Variants in KANSL3 observed in about 807,000 individuals in gnomAD.
KANSL3 encodes the protein KAT8 regulatory NSL complex subunit 3, also known as NSL complex protein NSL3.
In KANSL3, 16 loss-of-function variants were observed where a neutral mutation model predicts 89.2. The observed-to-expected ratio is 0.18, with a 90% CI of 0.12 to 0.27. The LOEUF (loss-of-function observed/expected upper bound fraction) is 0.27, where lower values mean the gene tolerates loss of function less well. KANSL3 is among the 10% of genes least tolerant of loss of function. The probability of loss-of-function intolerance (pLI) is 1.00; values close to 1 mark genes in which losing one functional copy is unlikely to be tolerated. For synonymous variants in KANSL3, 385 were observed against 419.7 expected, an observed-to-expected ratio of 0.92 and a Z score of 1.01; for missense variants, 879 against 1,110.6, an observed-to-expected ratio of 0.79 and a Z score of 2.96.
intron 11 of KANSL3, 187 bp downstream of exon 11, chr2:96,610,539 T>A (rs1373934665): frequency 1.9e-6 from 1 of 522,720 alleles, no homozygotes; most frequent in African/African-American, 1.9e-5. Context: ...ATGGTCTCAA[T>A]CTCCTGACCT....
downstream of KANSL3, among the ~76,000 whole-genome samples, chr2:96,591,832 T>C (rs1394117549): frequency 6.7e-6 from 1 of 148,958 alleles, no homozygotes; most frequent in African/African-American, 2.6e-5. Flanking sequence ...TCCCGGCAAG[T>C]CCAAGCCACT....
At chr2:96,625,617 A>G (rs778572628) in intron 3 of KANSL3, among the ~76,000 whole-genome samples, 11 of 152,248 alleles carry the variant, frequency 7.2e-5, no homozygotes, top group Non-Finnish European at 1.5e-4. Context: ...AGAGGGTTAG[A>G]AAGCTATTTA....
chr2:96,596,926 C>T (rs983652120), intron 20 of KANSL3, among the ~76,000 whole-genome samples: 1 of 152,230 alleles, frequency 6.6e-6, no homozygotes, highest in African/African-American at 2.4e-5. Flanking sequence ...AACATAGTCT[C>T]TGTCTGTCCT....
intron 14 of KANSL3, among the ~76,000 whole-genome samples, chr2:96,607,634 C>T (rs1016781953): frequency 6.6e-6 from 1 of 152,234 alleles, no homozygotes; most frequent in African/African-American, 2.4e-5. Flanking sequence ...CATCCACTCA[C>T]ACTTCTACTC....
At chr2:96,630,178 C>T (rs548919448) in intron 3 of KANSL3, among the ~76,000 whole-genome samples, 25 of 151,946 alleles carry the variant, frequency 1.6e-4, no homozygotes, top group Middle Eastern at 3.2e-3. Flanking sequence ...AGGTATATAA[C>T]TAAGAGAATT....
intron 11 of KANSL3, 26 bp downstream of exon 11, chr2:96,610,700 T>C (rs766709640): frequency 1.8e-5 from 29 of 1,612,340 alleles, no homozygotes; most frequent in African/African-American, 2.7e-5. Flanking sequence ...CACAGCTCTC[T>C]TGCAGCTCTG....
intron 20 of KANSL3, chr2:96,598,224 C>T: frequency 1.4e-6 from 1 of 700,460 alleles, no homozygotes; most frequent in Non-Finnish European, 1.8e-6. Flanking sequence ...ACTATCATTT[C>T]TGTACTATAA....
At chr2:96,609,608 G>T in intron 11 of KANSL3, 46 bp from the exon 12 acceptor site, 1 of 1,469,334 alleles carries the variant, frequency 6.8e-7, no homozygotes, top group Non-Finnish European at 9.5e-7. Context: ...CACATTGCAC[G>T]GCATCCTATG....
At chr2:96,605,116 G>A (rs1213660261) in intron 15 of KANSL3, among the ~76,000 whole-genome samples, 2 of 152,224 alleles carry the variant, frequency 1.3e-5, no homozygotes, top group South Asian at 4.1e-4. Flanking sequence ...CGATGGCACA[G>A]CTTCCTCTCA....
At chr2:96,582,760 T>C in the KANSL3 span, among the ~76,000 whole-genome samples, 1 of 152,226 alleles carries the variant, frequency 6.6e-6, no homozygotes, top group East Asian at 1.9e-4. Context: ...TCCAAAAATG[T>C]TGGATTCTAT....
chr2:96,611,903 ATGTG>A (rs59217274), intron 9 of KANSL3, among the ~76,000 whole-genome samples: 59 of 113,326 alleles, frequency 5.2e-4, no homozygotes, highest in Non-Finnish European at 6.9e-4. Flanking sequence ...ATATACCCAT[ATGTG>A]TGTGTGTGTG....
the KANSL3 span, among the ~76,000 whole-genome samples, chr2:96,585,731 G>A: frequency 6.6e-6 from 1 of 151,654 alleles, no homozygotes. Flanking sequence ...CAACCAAAGA[G>A]TGGATAAAAA....
At position 96,611,903 on chromosome 2, in the gene KANSL3, A is replaced by G. The variant is rs372405108; in HGVS notation, c.1086+379T>C. 3.0e-3 allele frequency among the ~76,000 whole-genome samples: 335 copies of G among 113,326 alleles called. 1 individual carries two copies. Among genetic ancestry groups the G allele is most frequent in the African/African-American group, 8.9e-3 (241 of 27,166 alleles). 74.3% of individuals were successfully genotyped at this position (113,326 alleles called of 152,430 possible). A position where few individuals can be genotyped will look rare whatever the true frequency, so the allele number is the denominator to read the frequency against. On this transcript the variant is annotated intron_variant, in intron 9 of 20. Transcript: ENST00000431828. ...TTTTTTTCCACAGATATATACCCAT[A>G]TGTGTGTGTGTGTGTGTGTGTGTGT... is the stretch of plus-strand genomic sequence containing the variant.
At chr2:96,583,776 CGTA>C in the KANSL3 span, among the ~76,000 whole-genome samples, 1 of 152,142 alleles carries the variant, frequency 6.6e-6, no homozygotes, top group Non-Finnish European at 1.5e-5. Flanking sequence ...TTTGTATATA[CGTA>C]GGAGAGGAAT....
intron 2 of KANSL3, among the ~76,000 whole-genome samples, chr2:96,634,390 C>T (rs2073948265): frequency 6.6e-6 from 1 of 152,072 alleles, no homozygotes; most frequent in Non-Finnish European, 1.5e-5. Flanking sequence ...GTGGCGGGTG[C>T]CTATAATCCC....
chr2:96,602,621 C>T lies in KANSL3; in HGVS notation c.2259+132G>A, dbSNP rs1009517566. 25 of 719,490 alleles carry T rather than the reference C, an allele frequency of 3.5e-5. No homozygotes were observed. The African/African-American group carries it at 4.5e-4, about 13-fold the overall frequency. 44.6% of individuals were successfully genotyped at this position (719,490 alleles called of 1,614,324 possible). On this transcript the variant is annotated intron_variant, in intron 18 of 20. Transcript: ENST00000431828. ...TGATAGACCTTAACTTTTGTAAGTT[C>T]CCTGCTATGTAGCTAGAAGGCTGTT...
At chr2:96,631,036 C>T (rs1416549816) in intron 3 of KANSL3, among the ~76,000 whole-genome samples, 2 of 152,182 alleles carry the variant, frequency 1.3e-5, no homozygotes, top group African/African-American at 4.8e-5. Context: ...TCATATGTAT[C>T]AAATTTAATT....
chr2:96,580,984 A>G, the KANSL3 span, among the ~76,000 whole-genome samples: 2 of 152,196 alleles, frequency 1.3e-5, no homozygotes, highest in Admixed American at 1.3e-4. Context: ...CCTTCTAGAA[A>G]ACATCTGGCT....
In KANSL3 at chr2:96,605,444, G is replaced by A. The variant is rs1435028634; in HGVS notation, c.1809C>T (p.His603=). ...KEDLRVQLKR[H]HPSSPLPGSK... ...TGCCAGGAAGGGGACTCGAGGGATG[G>A]TGTCGCTTCAGCTGAACCCTAAGAT... The change falls in exon 15 of 21, where the codon CAC becomes CAT. Residue 603 remains histidine (H), a synonymous_variant. Coordinates refer to ENST00000431828, the MANE Select transcript of KANSL3 (RefSeq NM_001115016.3). The A allele has an allele frequency of 6.2e-7, 1 of 1,613,944 alleles. No homozygotes were observed. The highest frequency in any genetic ancestry group is 1.7e-5 in the Admixed American group (1 of 60,030).
Sources: gnomAD v4.1 joint callset for allele counts (sites outside exome capture counted in the v4.1 genomes callset) on GRCh38, gnomAD v4.1.1 for gene constraint, MANE v1.5 for transcripts, NCBI Gene and HGNC (gene_info 2026-07-23, HGNC 2026-07-21) for gene names.